Variants in TNS3 observed in about 807,000 individuals in gnomAD.
The protein encoded by TNS3 is tensin 3.
A neutral mutation model predicts 140.9 loss-of-function variants in TNS3; 45 were observed. The observed-to-expected ratio is 0.32, with a 90% confidence interval of 0.25 to 0.41. The LOEUF is 0.41. TNS3 is among the 10% of genes least tolerant of loss of function. The pLI is 1.00. For missense variants in TNS3, 1,716 were observed against 1,906.7 expected (o/e 0.90, Z 1.86); for synonymous variants, 815 against 788.4 (o/e 1.03, Z -0.56).
intron 12 of TNS3, among the ~76,000 whole-genome samples, chr7:47,412,153 T>A (rs1415933696): frequency 6.6e-6 from 1 of 152,146 alleles, no homozygotes; most frequent in African/African-American, 2.4e-5. Context: ...CAGAGTGACA[T>A]CAGTGCACAG....
At chr7:47,501,178 AAGGAAGG>A in intron 3 of TNS3, among the ~76,000 whole-genome samples, 1 of 18,482 alleles carries the variant, frequency 5.4e-5, no homozygotes, top group South Asian at 4.4e-3. Flanking sequence ...GGAAGAGAGG[AAGGAAGG>A]AAGGGAGGGA....
At chr7:47,477,999 C>T (rs1797257776) in intron 4 of TNS3, among the ~76,000 whole-genome samples, 1 of 152,168 alleles carries the variant, frequency 6.6e-6, no homozygotes, top group Non-Finnish European at 1.5e-5. Flanking sequence ...GGGGAGAAAG[C>T]TCCATGCAAA....
chr7:47,389,056 A>AGAG (rs1792289035), intron 16 of TNS3, among the ~76,000 whole-genome samples: 1 of 46,232 alleles, frequency 2.2e-5, no homozygotes, highest in South Asian at 1.0e-3. Context: ...AAGAAGAAGA[A>AGAG]GAAGAAGAAG....
At chr7:47,517,700 T>G (rs1329334587) in intron 2 of TNS3, among the ~76,000 whole-genome samples, 4 of 151,864 alleles carry the variant, frequency 2.6e-5, no homozygotes, top group African/African-American at 7.3e-5. Context: ...TACACTGCAG[T>G]GCAAGAGGAA....
Position 47,529,074 on chromosome 7 carries a change from C to A in TNS3, c.-191G>T. 1 of 1,288,764 alleles carries A rather than the reference C, an allele frequency of 7.8e-7. No individual in the cohort carries two copies. The highest frequency in any genetic ancestry group is 1.2e-5 in the South Asian group (1 of 80,644). The allele number at this position is 1,288,764 out of a possible 1,614,324, so 79.8% of individuals were successfully genotyped here. A position where few individuals can be genotyped will look rare whatever the true frequency, so the allele number is the denominator to read the frequency against. ...ACCTTGACCGTCAATAATTTGTTTG[C>A]AAACTCCACACACTTTGGATTTTTT... On this transcript the variant is annotated 5_prime_UTR_variant, in exon 2 of 31. Transcript: ENST00000311160.
intron 20 of TNS3, among the ~76,000 whole-genome samples, chr7:47,334,605 C>CTTT (rs386410072): frequency 0.025 from 2,958 of 118,682 alleles, 124 homozygotes; most frequent in Middle Eastern, 0.036. Context: ...AACCACGACT[C>CTTT]TTTTTTTTTT....
chr7:47,549,451 C>T (rs577480711), intron 1 of TNS3, among the ~76,000 whole-genome samples: 35 of 152,106 alleles, frequency 2.3e-4, no homozygotes, highest in Non-Finnish European at 4.4e-4. Context: ...GCTGAGATCA[C>T]GCCACTGCAC....
rs558633109 is a variant in TNS3, at chr7:47,375,629, CAA to C, written c.1025-6010_1025-6009del. ...GTTAAGAGGCACTCAGAAAGTATTT[CAA>C]AAGTCACCCAAAAAATGGAGAAGAC... On this transcript the variant is annotated intron_variant, in intron 16 of 30. Coordinates refer to ENST00000311160, the MANE Select transcript of TNS3 (RefSeq NM_022748.12). 8.1e-4 allele frequency among the ~76,000 whole-genome samples: 124 copies of C among 152,302 alleles called. 4 individuals are homozygous for C. In the South Asian group the frequency reaches 0.025, roughly 31 times the overall value.
chr7:47,458,500 G>A (rs1314686669), intron 4 of TNS3, among the ~76,000 whole-genome samples: 1 of 152,186 alleles, frequency 6.6e-6, no homozygotes, highest in Non-Finnish European at 1.5e-5. Context: ...TAGATGTCCT[G>A]TACAAATTGG....
chr7:47,472,206 A>G (rs1464065271), intron 4 of TNS3, among the ~76,000 whole-genome samples: 2 of 152,118 alleles, frequency 1.3e-5, no homozygotes, highest in Non-Finnish European at 1.5e-5. Flanking sequence ...ATCCAGCATG[A>G]CCTCATCTCT....
intron 2 of TNS3, among the ~76,000 whole-genome samples, chr7:47,509,719 T>G (rs904754673): frequency 2.0e-5 from 3 of 151,742 alleles, no homozygotes; most frequent in Non-Finnish European, 2.9e-5. Context: ...TACCCCTGCC[T>G]GCCCTAACCC....
At chr7:47,532,472 C>T (rs1275821064) in intron 1 of TNS3, among the ~76,000 whole-genome samples, 2 of 152,030 alleles carry the variant, frequency 1.3e-5, no homozygotes, top group East Asian at 3.9e-4. Context: ...ACCCTCTCTG[C>T]CGAGAGCTTC....
chr7:47,372,377 T>G (rs73326536), intron 16 of TNS3, among the ~76,000 whole-genome samples: 6,057 of 152,240 alleles, frequency 0.04, 399 homozygotes, highest in African/African-American at 0.13. Context: ...AAAAGCCCAA[T>G]AATGAGTTGT....
Position 47,541,304 on chromosome 7 carries a change from G to A in TNS3, c.-264-12157C>T, listed in dbSNP as rs187415613. Among the ~76,000 whole-genome samples, 8 of 152,258 alleles carry A rather than the reference G, an allele frequency of 5.3e-5. No individual in the cohort carries two copies. In the East Asian group the frequency reaches 7.7e-4, roughly 15 times the overall value. On this transcript the variant is annotated intron_variant, in intron 1 of 30. Transcript: ENST00000311160. Reference sequence around the variant, plus strand: ...GACTCAGAGTTTCCAATCTAGAGACGTAGATACATCTAGAAATCAAAGTAG... The same window carrying A: ...GACTCAGAGTTTCCAATCTAGAGACATAGATACATCTAGAAATCAAAGTAG...
chr7:47,525,150 C>T (rs1799145948), intron 2 of TNS3, among the ~76,000 whole-genome samples: 2 of 152,198 alleles, frequency 1.3e-5, no homozygotes, highest in South Asian at 4.1e-4. Context: ...AGCCCCGCTG[C>T]TTGTCCATGT....
intron 27 of TNS3, among the ~76,000 whole-genome samples, 161 bp downstream of exon 27, chr7:47,291,794 C>T (rs1475406229): frequency 6.6e-6 from 1 of 152,198 alleles, no homozygotes; most frequent in Non-Finnish European, 1.5e-5. Flanking sequence ...CCAACAACTG[C>T]ACCCCACCCA....
At chr7:47,545,782 G>A (rs1016448533) in intron 1 of TNS3, among the ~76,000 whole-genome samples, 5 of 152,204 alleles carry the variant, frequency 3.3e-5, no homozygotes, top group African/African-American at 9.7e-5. Context: ...CTGGAACTGT[G>A]GGTAATGAAG....
chr7:47,456,817 G>A (rs1796265887), intron 4 of TNS3, among the ~76,000 whole-genome samples: 1 of 151,982 alleles, frequency 6.6e-6, no homozygotes, highest in Admixed American at 6.5e-5. Context: ...AGCTCCAACA[G>A]TGAGAACCAG....
At chr7:47,562,725 C>T (rs569270453) in intron 1 of TNS3, among the ~76,000 whole-genome samples, 1 of 152,308 alleles carries the variant, frequency 6.6e-6, no homozygotes, top group East Asian at 1.9e-4. Context: ...TTTCACAAAA[C>T]TCTGCAACCA....
Sources: allele counts gnomAD v4.1 joint callset (sites outside exome capture counted in the v4.1 genomes callset), GRCh38; gene constraint gnomAD v4.1.1; transcripts MANE v1.5; gene names NCBI Gene and HGNC (gene_info 2026-07-23, HGNC 2026-07-21).